Variants in ATP6V1H observed in about 807,000 individuals in gnomAD.
ATP6V1H encodes the protein ATPase H+ transporting V1 subunit H.
In ATP6V1H, 39 loss-of-function variants were observed where a neutral mutation model predicts 71.7. The ratio of observed to expected loss-of-function variants is 0.54; its 90% CI spans 0.42 to 0.71. The LOEUF is 0.71. ATP6V1H is among the 30% of genes least tolerant of loss of function. The probability of loss-of-function intolerance (pLI) is 0.00; values close to 1 mark genes in which losing one functional copy is unlikely to be tolerated. For missense variants in ATP6V1H, 509 were observed against 594.9 expected (o/e 0.86, Z 1.50); for synonymous variants, 192 against 199.3 (o/e 0.96, Z 0.31).
At chr8:53,740,385 C>G (rs1480525059) in intron 13 of ATP6V1H, among the ~76,000 whole-genome samples, 1 of 152,122 alleles carries the variant, frequency 6.6e-6, no homozygotes, top group African/African-American at 2.4e-5. Context: ...ACCTAAAAAT[C>G]CTTTAGGGCA....
chr8:53,783,286 T>G (rs1472550011), intron 9 of ATP6V1H, among the ~76,000 whole-genome samples: 2 of 152,110 alleles, frequency 1.3e-5, no homozygotes, highest in Non-Finnish European at 2.9e-5. Context: ...TGTATGTGTC[T>G]AGGAATTTAA....
In ATP6V1H at chr8:53,765,038, G is replaced by C. The variant is rs567289279; in HGVS notation, c.1175+4580C>G. Among the ~76,000 whole-genome samples, 10 of 152,216 alleles carry C rather than the reference G, an allele frequency of 6.6e-5. No individual in the cohort carries two copies. In the South Asian group the frequency reaches 2.1e-3, roughly 32 times the overall value. ...GAGGATCTCTTGAGCCCAGAAGTTT[G>C]ATGTTACAGTTAGCTATGATCGCAC... On this transcript the variant is annotated intron_variant, in intron 11 of 13. Coordinates refer to ENST00000359530, the MANE Select transcript of ATP6V1H (RefSeq NM_015941.4).
chr8:53,757,212 T>TTG (rs1342023685), intron 11 of ATP6V1H, among the ~76,000 whole-genome samples: 29 of 152,300 alleles, frequency 1.9e-4, no homozygotes, highest in Non-Finnish European at 2.2e-4. Context: ...TGGTACTTTC[T>TTG]CCAATACAAC....
At chr8:53,716,456 C>T (rs1422370475) in intron 13 of ATP6V1H, among the ~76,000 whole-genome samples, 1 of 152,220 alleles carries the variant, frequency 6.6e-6, no homozygotes, top group Non-Finnish European at 1.5e-5. Context: ...AAACAAATGT[C>T]CTGCTATTAG....
At position 53,726,127 on chromosome 8, in the gene ATP6V1H, A is replaced by G. The variant is rs1585719205; in HGVS notation, c.1392-10103T>C. ...CTTTGAAAAAGTTGTTACTCTTTCT[A>G]GTGCTATGCCACAAATAAGAACACT... On this transcript the variant is annotated intron_variant, in intron 13 of 13. Transcript: ENST00000359530. Among the ~76,000 whole-genome samples the G allele has an allele frequency of 2.0e-5, 3 of 152,350 alleles. No homozygotes were observed. In the East Asian group the frequency reaches 5.8e-4, roughly 29 times the overall value.
At chr8:53,725,639 A>T (rs1806785954) in intron 13 of ATP6V1H, among the ~76,000 whole-genome samples, 1 of 150,990 alleles carries the variant, frequency 6.6e-6, no homozygotes, top group African/African-American at 2.4e-5. Flanking sequence ...AAGTTTAACA[A>T]CATATGACAG....
chr8:53,811,898 A>C (rs1428451475), intron 6 of ATP6V1H, among the ~76,000 whole-genome samples: 1 of 152,222 alleles, frequency 6.6e-6, no homozygotes, highest in Non-Finnish European at 1.5e-5. Flanking sequence ...CTATAAGGTC[A>C]AAGAACAAAA....
intron 13 of ATP6V1H, among the ~76,000 whole-genome samples, chr8:53,718,599 A>G (rs1806509089): frequency 6.6e-6 from 1 of 152,092 alleles, no homozygotes; most frequent in Non-Finnish European, 1.5e-5. Flanking sequence ...CATGTTGTCC[A>G]GGCTGGACGC....
chr8:53,716,460 C>A (rs531924174), intron 13 of ATP6V1H, among the ~76,000 whole-genome samples: 1 of 152,318 alleles, frequency 6.6e-6, no homozygotes, highest in South Asian at 2.1e-4. Context: ...AAATGTCCTG[C>A]TATTAGAGAA....
chr8:53,791,627 A>G (rs1809566895), intron 9 of ATP6V1H, among the ~76,000 whole-genome samples: 1 of 152,156 alleles, frequency 6.6e-6, no homozygotes, highest in African/African-American at 2.4e-5. Flanking sequence ...CCACCGTTGC[A>G]CTTCCAAGAT....
intron 12 of ATP6V1H, among the ~76,000 whole-genome samples, chr8:53,754,192 A>C (rs1807909154): frequency 6.6e-6 from 1 of 152,192 alleles, no homozygotes. Flanking sequence ...GAAGTTCAGA[A>C]AGATGAGAGA....
chr8:53,718,344 G>T (rs555722944), intron 13 of ATP6V1H, among the ~76,000 whole-genome samples: 1 of 150,620 alleles, frequency 6.6e-6, no homozygotes, highest in Non-Finnish European at 1.5e-5. Flanking sequence ...TTTCTTCCTG[G>T]TCAAAGATAT....
chr8:53,798,350 C>A (rs944020465), intron 8 of ATP6V1H, among the ~76,000 whole-genome samples: 1 of 151,942 alleles, frequency 6.6e-6, no homozygotes, highest in Admixed American at 6.6e-5. Flanking sequence ...ATGGTGAAAC[C>A]CCATCTCTAC....
chr8:53,808,522 C>T (rs947249123), intron 7 of ATP6V1H, among the ~76,000 whole-genome samples: 5 of 152,222 alleles, frequency 3.3e-5, no homozygotes, highest in Non-Finnish European at 1.5e-5. Flanking sequence ...AATCCCAACA[C>T]TTTGGAAGGC....
chr8:53,737,608 C>G (rs6987427), intron 13 of ATP6V1H, among the ~76,000 whole-genome samples: 1 of 151,998 alleles, frequency 6.6e-6, no homozygotes, highest in African/African-American at 2.4e-5. Flanking sequence ...GATCTGATAC[C>G]GTGTGGTGGG....
intron 13 of ATP6V1H, among the ~76,000 whole-genome samples, chr8:53,734,185 A>G (rs1347737554): frequency 1.3e-5 from 2 of 152,212 alleles, no homozygotes; most frequent in Non-Finnish European, 2.9e-5. Context: ...AAATCCCCAC[A>G]TAACCATTGA....
At chr8:53,730,459 C>G (rs1806978967) in intron 13 of ATP6V1H, among the ~76,000 whole-genome samples, 1 of 152,124 alleles carries the variant, frequency 6.6e-6, no homozygotes, top group African/African-American at 2.4e-5. Context: ...GGTATAGCTT[C>G]TTGAATTTAT....
intron 13 of ATP6V1H, among the ~76,000 whole-genome samples, chr8:53,734,136 G>A (rs1398262847): frequency 6.6e-6 from 1 of 152,178 alleles, no homozygotes; most frequent in African/African-American, 2.4e-5. Flanking sequence ...ATTGGCTAAC[G>A]AATGCTAGAC....
intron 9 of ATP6V1H, among the ~76,000 whole-genome samples, chr8:53,782,148 C>T (rs1442044155): frequency 1.1e-4 from 16 of 152,046 alleles, no homozygotes; most frequent in South Asian, 2.1e-4. Context: ...GCCATTTTCA[C>T]GATATTGATT....
Sources: gnomAD v4.1 joint callset for allele counts (sites outside exome capture counted in the v4.1 genomes callset) on GRCh38, gnomAD v4.1.1 for gene constraint, MANE v1.5 for transcripts, NCBI Gene and HGNC (gene_info 2026-07-23, HGNC 2026-07-21) for gene names.